INSL6: variants seen among roughly 807,000 people sequenced by gnomAD.
INSL6 encodes insulin like 6, also known as insulin-like peptide INSL6.
INSL6 carries 16 observed loss-of-function variants against 9.4 expected under a neutral mutation model. The observed-to-expected ratio is 1.70, with a 90% CI of 1.15 to 2.59. The LOEUF is 2.59. INSL6 is among the 30% of genes most tolerant of loss of function. The pLI is 0.00. For missense variants in INSL6, 391 were observed against 257.3 expected (o/e 1.52, Z -3.56); for synonymous variants, 154 against 96.9 (o/e 1.59, Z -3.46).
intron 2 of INSL6, among the ~76,000 whole-genome samples, chr9:5,143,478 G>A (rs1226766048): frequency 6.6e-6 from 1 of 151,974 alleles, no homozygotes; most frequent in Non-Finnish European, 1.5e-5. Context: ...TTTCCATAGA[G>A]GTGTTCATAA....
downstream of INSL6, among the ~76,000 whole-genome samples, chr9:5,159,625 A>G (rs1347539564): frequency 6.6e-6 from 1 of 152,228 alleles, no homozygotes; most frequent in Non-Finnish European, 1.5e-5. Context: ...ATACGCATTC[A>G]ACGCTGGAGC....
At chr9:5,071,562 C>T in the INSL6 span, among the ~76,000 whole-genome samples, 3 of 152,130 alleles carry the variant, frequency 2.0e-5, no homozygotes, top group African/African-American at 7.2e-5. Flanking sequence ...TTACTTATAG[C>T]TGAAGAGAGA....
At chr9:5,141,750 T>C (rs1340303847) in intron 2 of INSL6, among the ~76,000 whole-genome samples, 1 of 152,224 alleles carries the variant, frequency 6.6e-6, no homozygotes, top group East Asian at 1.9e-4. Context: ...ATTTTTGCTT[T>C]TGTTGCAATT....
At chr9:5,072,984 G>A in the INSL6 span, among the ~76,000 whole-genome samples, 1 of 152,096 alleles carries the variant, frequency 6.6e-6, no homozygotes, top group Non-Finnish European at 1.5e-5. Flanking sequence ...AGTTTCAAAG[G>A]CACTGTACTA....
At chr9:5,019,797 C>G in the INSL6 span, among the ~76,000 whole-genome samples, 1 of 151,702 alleles carries the variant, frequency 6.6e-6, no homozygotes, top group Non-Finnish European at 1.5e-5. Context: ...ATTTTTTTTC[C>G]TTTGTAAACA....
the INSL6 span, chr9:5,114,542 G>A: frequency 2.1e-6 from 1 of 476,348 alleles, no homozygotes; most frequent in South Asian, 1.7e-5. Context: ...ACCAGGACAA[G>A]CGCACCCTCA....
chr9:5,154,153 C>G (rs985830507), intron 2 of INSL6, among the ~76,000 whole-genome samples: 4 of 152,154 alleles, frequency 2.6e-5, no homozygotes, highest in African/African-American at 9.7e-5. Context: ...GAACAGAAGC[C>G]TCAGAAATAA....
the INSL6 span, among the ~76,000 whole-genome samples, chr9:5,000,219 C>A: frequency 1.3e-5 from 2 of 151,126 alleles, no homozygotes; most frequent in Non-Finnish European, 2.9e-5. Flanking sequence ...TCTTTTATTT[C>A]CTCTATCATT....
chr9:5,068,189 A>C, the INSL6 span, among the ~76,000 whole-genome samples: 15 of 146,862 alleles, frequency 1.0e-4, no homozygotes, highest in Non-Finnish European at 3.0e-5. Context: ...AAAAAAAAAA[A>C]CAAGAAAGGT....
chr9:5,085,882 AT>A, the INSL6 span: 2 of 799,454 alleles, frequency 2.5e-6, no homozygotes, highest in Non-Finnish European at 2.3e-6. Flanking sequence ...TCTGTTGTTG[AT>A]ATGAGCGGTT....
chr9:5,001,518 G>C, the INSL6 span, among the ~76,000 whole-genome samples: 1 of 152,012 alleles, frequency 6.6e-6, no homozygotes, highest in Admixed American at 6.5e-5. Context: ...AAAGCAACCA[G>C]TATGACTGGA....
chr9:5,058,254 A>G, the INSL6 span, among the ~76,000 whole-genome samples: 1 of 152,160 alleles, frequency 6.6e-6, no homozygotes, highest in Non-Finnish European at 1.5e-5. Context: ...CTGGGACTGG[A>G]TAATTTATTT....
At chr9:5,161,057 T>C (rs990437362), downstream of INSL6, among the ~76,000 whole-genome samples, 3 of 152,108 alleles carry the variant, frequency 2.0e-5, no homozygotes, top group African/African-American at 7.2e-5. Context: ...AAAGTAGACG[T>C]GGAGGGAATA....
At chr9:4,993,029 C>G in the INSL6 span, among the ~76,000 whole-genome samples, 21 of 152,186 alleles carry the variant, frequency 1.4e-4, no homozygotes, top group African/African-American at 3.9e-4. Context: ...TTGCTTCCTG[C>G]CTGTAGTGCT....
At chr9:5,145,790 C>T (rs1824591587) in intron 2 of INSL6, among the ~76,000 whole-genome samples, 1 of 152,146 alleles carries the variant, frequency 6.6e-6, no homozygotes, top group Non-Finnish European at 1.5e-5. Flanking sequence ...GTGTAGTTTT[C>T]AGCTCTATCA....
chr9:4,996,601 T>G, the INSL6 span, among the ~76,000 whole-genome samples: 1 of 151,966 alleles, frequency 6.6e-6, no homozygotes, highest in Non-Finnish European at 1.5e-5. Flanking sequence ...TGATGTGAAA[T>G]ATAGTTTTCA....
intron 1 of INSL6, among the ~76,000 whole-genome samples, chr9:5,177,760 A>C (rs1825343936): frequency 6.6e-6 from 1 of 152,046 alleles, no homozygotes; most frequent in Non-Finnish European, 1.5e-5. Flanking sequence ...GGGAAAGGTC[A>C]ACTCAGCTGT....
chr9:5,049,340 C>T, the INSL6 span, among the ~76,000 whole-genome samples: 1 of 152,158 alleles, frequency 6.6e-6, no homozygotes, highest in Non-Finnish European at 1.5e-5. Context: ...AAGTTTTAAT[C>T]CACATTATTT....
At chr9:5,144,971 T>C (rs112741074) in intron 2 of INSL6, among the ~76,000 whole-genome samples, 3,944 of 152,334 alleles carry the variant, frequency 0.026, 43 homozygotes, top group Middle Eastern at 0.048. Flanking sequence ...TATTTAAAGT[T>C]AGTATTGTTA....
Sources: gnomAD v4.1 joint callset for allele counts (sites outside exome capture counted in the v4.1 genomes callset) on GRCh38, gnomAD v4.1.1 for gene constraint, MANE v1.5 for transcripts, NCBI Gene and HGNC (gene_info 2026-07-23, HGNC 2026-07-21) for gene names.